Variants in CALN1 observed in about 807,000 individuals in gnomAD.
CALN1 encodes calneuron 1, also known as calcium-binding protein 8.
In CALN1, 17 loss-of-function variants were observed where a neutral mutation model predicts 30.6. The observed-to-expected ratio is 0.56, with a 90% CI of 0.38 to 0.83. The LOEUF (loss-of-function observed/expected upper bound fraction) is 0.83. Among genes scored for constraint, CALN1 ranks in the 40% least tolerant of loss-of-function variants. The pLI, the probability that CALN1 is intolerant of heterozygous loss-of-function variation, is 0.00. For missense variants in CALN1, 291 were observed against 354.9 expected, an observed-to-expected ratio of 0.82 and a Z score of 1.45; for synonymous variants, 156 against 131.4, an observed-to-expected ratio of 1.19 and a Z score of -1.28.
At chr7:72,321,206 C>G (rs1050514836) in intron 2 of CALN1, among the ~76,000 whole-genome samples, 78 of 152,116 alleles carry the variant, frequency 5.1e-4, no homozygotes, top group African/African-American at 1.8e-3. Context: ...CCTTGAGTTT[C>G]GCATTTATTG....
rs2129564027 is a variant in CALN1 at position 72,431,319 on chromosome 7, T to C, written c.-226+15723A>G. Among the ~76,000 whole-genome samples the C allele has an allele frequency of 2.0e-5, 3 of 152,128 alleles. No homozygotes were observed. The Middle Eastern group carries it at 0.01, about 517-fold the overall frequency. ...TAAAATATTATGAGGAACTCCAACA[T>C]GAAAATTACAAAAAAACTGAGGGTT... is the stretch of plus-strand genomic sequence containing the variant. On this transcript the variant is annotated intron_variant, in intron 1 of 6. Coordinates refer to the CALN1 transcript ENST00000395276.
chr7:72,344,371 A>T (rs1328198988), intron 2 of CALN1, among the ~76,000 whole-genome samples: 1 of 152,094 alleles, frequency 6.6e-6, no homozygotes, highest in Non-Finnish European at 1.5e-5. Context: ...TAAATTTACT[A>T]AATTAGAAAA....
intron 2 of CALN1, among the ~76,000 whole-genome samples, chr7:72,322,184 G>A (rs980097284): frequency 4.6e-5 from 7 of 152,192 alleles, no homozygotes; most frequent in African/African-American, 1.7e-4. Context: ...GGTGCTGGGA[G>A]ATAGTGACAG....
chr7:71,932,119 G>A (rs1427685637), intron 5 of CALN1, among the ~76,000 whole-genome samples: 1 of 152,180 alleles, frequency 6.6e-6, no homozygotes, highest in Non-Finnish European at 1.5e-5. Context: ...TTGTCAGTGT[G>A]CTTTGGAGAG....
At chr7:71,883,182 C>A (rs1387463909) in intron 5 of CALN1, among the ~76,000 whole-genome samples, 1 of 152,122 alleles carries the variant, frequency 6.6e-6, no homozygotes, top group Non-Finnish European at 1.5e-5. Context: ...TGCACACACA[C>A]ACATTTTGTT....
At chr7:71,933,660 G>A (rs1795678485) in intron 5 of CALN1, among the ~76,000 whole-genome samples, 1 of 152,152 alleles carries the variant, frequency 6.6e-6, no homozygotes, top group Non-Finnish European at 1.5e-5. Flanking sequence ...CTTGGTGCCA[G>A]GCAGTCAGTA....
chr7:71,810,954 G>A (rs1437898252), intron 5 of CALN1, among the ~76,000 whole-genome samples: 3 of 150,246 alleles, frequency 2.0e-5, no homozygotes, highest in Non-Finnish European at 4.4e-5. Context: ...GGAGTGCAGC[G>A]GCGAGATCTC....
At position 72,088,069 on chromosome 7, in the gene CALN1, G is replaced by A. The variant is rs117905290; in HGVS notation, c.388+18082C>T. 1.1e-3 allele frequency among the ~76,000 whole-genome samples: 166 copies of A among 152,280 alleles called. 5 individuals are homozygous for A. In the East Asian group the frequency reaches 0.031, roughly 28 times the overall value. ...TGTAGTCCCAGCTACTCTAGAGGCT[G>A]AGGCAGGAAGATCGCTTGAGCCCAG... On this transcript the variant is annotated intron_variant, in intron 4 of 6. Transcript: ENST00000395275.
At chr7:72,313,819 C>A (rs752619280) in intron 2 of CALN1, among the ~76,000 whole-genome samples, 1 of 152,136 alleles carries the variant, frequency 6.6e-6, no homozygotes, top group Non-Finnish European at 1.5e-5. Context: ...AACAGAGAGG[C>A]AAGGGAGATA....
intron 2 of CALN1, among the ~76,000 whole-genome samples, chr7:72,345,301 TA>T (rs113213573): frequency 0.013 from 1,702 of 127,588 alleles, 28 homozygotes; most frequent in African/African-American, 0.045. Context: ...GTGAATGGTT[TA>T]AAAAAAAAAA....
At chr7:72,096,092 A>ATAGATAAAGAT (rs1554438973) in intron 4 of CALN1, among the ~76,000 whole-genome samples, 5 of 121,668 alleles carry the variant, frequency 4.1e-5, no homozygotes, top group Admixed American at 8.5e-5. Flanking sequence ...TAGATAGATA[A>ATAGATAAAGAT]AGATAGATAG....
At chr7:71,955,138 G>C (rs888150557) in intron 5 of CALN1, among the ~76,000 whole-genome samples, 13 of 152,220 alleles carry the variant, frequency 8.5e-5, no homozygotes, top group South Asian at 2.1e-4. Context: ...GAAAAGCAAA[G>C]GGACATCGTA....
At chr7:72,275,177 G>A (rs989970368) in intron 3 of CALN1, among the ~76,000 whole-genome samples, 4 of 152,178 alleles carry the variant, frequency 2.6e-5, no homozygotes, top group Admixed American at 6.5e-5. Context: ...TAATGCCTAT[G>A]CTCAAGGCAG....
At chr7:72,136,292 A>G (rs1313307004) in intron 3 of CALN1, among the ~76,000 whole-genome samples, 2 of 152,100 alleles carry the variant, frequency 1.3e-5, no homozygotes, top group Admixed American at 6.6e-5. Flanking sequence ...TTGTTGCTTC[A>G]CCTTGTACTT....
chr7:71,816,910 G>A (rs1331708874), intron 5 of CALN1, among the ~76,000 whole-genome samples: 1 of 152,186 alleles, frequency 6.6e-6, no homozygotes, highest in African/African-American at 2.4e-5. Context: ...GGAGGTTGCA[G>A]TGAGCCGAGA....
chr7:72,459,062 C>A, the CALN1 span, among the ~76,000 whole-genome samples: 1 of 148,548 alleles, frequency 6.7e-6, no homozygotes, highest in African/African-American at 2.5e-5. Context: ...CAGGCATGTG[C>A]CACCACTCCT....
intron 4 of CALN1, among the ~76,000 whole-genome samples, chr7:72,062,511 C>CAAAAAAAAAAAAAAAAAAAAAAAA (rs376093442): frequency 8.4e-5 from 5 of 59,352 alleles, no homozygotes; most frequent in East Asian, 4.1e-4. Context: ...GACTCTATCT[C>CAAAAAAAAAAAAAAAAAAAAAAAA]AAAAAAAAAA....
intron 3 of CALN1, among the ~76,000 whole-genome samples, chr7:72,222,047 G>A (rs968113495): frequency 1.3e-5 from 2 of 152,082 alleles, no homozygotes; most frequent in South Asian, 2.1e-4. Flanking sequence ...CCAACATGGT[G>A]AAACCCTGTC....
chr7:72,129,577 T>C (rs1400477194), intron 3 of CALN1, among the ~76,000 whole-genome samples: 2 of 152,174 alleles, frequency 1.3e-5, no homozygotes, highest in Admixed American at 6.5e-5. Context: ...TTTGGAGATA[T>C]ATGCTAAAAT....
Sources: gnomAD v4.1 joint callset for allele counts (sites outside exome capture counted in the v4.1 genomes callset) on GRCh38, gnomAD v4.1.1 for gene constraint, MANE v1.5 for transcripts, NCBI Gene and HGNC (gene_info 2026-07-23, HGNC 2026-07-21) for gene names.